Variants in CYP2C18 observed in about 807,000 individuals in gnomAD.
The protein encoded by CYP2C18 is cytochrome P450 2C18.
In CYP2C18, 38 loss-of-function variants were observed where a neutral mutation model predicts 41.3. The ratio of observed to expected loss-of-function variants is 0.92; its 90% CI spans 0.71 to 1.21. The LOEUF is 1.21. Among genes scored for constraint, CYP2C18 ranks in the 50% most tolerant of loss-of-function variants. CYP2C18 has a pLI of 0.00. For missense variants in CYP2C18, 635 were observed against 591.4 expected (o/e 1.07, Z -0.77); for synonymous variants, 236 against 210.0 (o/e 1.12, Z -1.07).
intron 4 of CYP2C18, among the ~76,000 whole-genome samples, 192 bp from the exon 5 acceptor site, chr10:94,706,592 C>A (rs1847347003): frequency 6.6e-6 from 1 of 152,032 alleles, no homozygotes; most frequent in Non-Finnish European, 1.5e-5. Context: ...CATCTTTGAT[C>A]CCTTGTTCAG....
At chr10:94,712,775 A>G (rs966980792) in intron 5 of CYP2C18, among the ~76,000 whole-genome samples, 3 of 152,190 alleles carry the variant, frequency 2.0e-5, no homozygotes, top group East Asian at 1.9e-4. Flanking sequence ...ACTGTTTTCC[A>G]TAATGGTTGC....
chr10:94,726,182 C>CA, intron 7 of CYP2C18, among the ~76,000 whole-genome samples: 1 of 144,914 alleles, frequency 6.9e-6, no homozygotes, highest in South Asian at 2.4e-4. Context: ...TCAACACAGT[C>CA]AAAAAAAATT....
chr10:94,711,391 G>A (rs143037951), intron 5 of CYP2C18, among the ~76,000 whole-genome samples: 23 of 152,086 alleles, frequency 1.5e-4, no homozygotes, highest in African/African-American at 5.3e-4. Context: ...GAGTCTGCAG[G>A]CAATATTGAG....
intron 5 of CYP2C18, among the ~76,000 whole-genome samples, chr10:94,718,808 T>C (rs914920935): frequency 6.6e-6 from 1 of 152,152 alleles, no homozygotes; most frequent in Non-Finnish European, 1.5e-5. Context: ...CTTAGTCCTC[T>C]CTGCTCCCAG....
chr10:94,707,606 A>C lies in CYP2C18; in HGVS notation c.819+646A>C, dbSNP rs569599625. On this transcript the variant is annotated intron_variant, in intron 5 of 8. Coordinates refer to ENST00000285979, the MANE Select transcript of CYP2C18 (RefSeq NM_000772.3). Reference sequence around the variant, plus strand: ...GATGCGTATAATTATTAGAGAAAATAATCCTAGGAATTGTGTAGAAGGATA... The same window carrying C: ...GATGCGTATAATTATTAGAGAAAATCATCCTAGGAATTGTGTAGAAGGATA... 2.0e-5 allele frequency among the ~76,000 whole-genome samples: 3 copies of C among 152,296 alleles called. No homozygotes were observed. The East Asian group carries it at 5.8e-4, about 29-fold the overall frequency.
chr10:94,734,288 G>A (rs1413072244), intron 8 of CYP2C18, among the ~76,000 whole-genome samples: 2 of 152,106 alleles, frequency 1.3e-5, no homozygotes, highest in Non-Finnish European at 2.9e-5. Flanking sequence ...AAAGTGTGTG[G>A]TGAGTCTGTG....
At chr10:94,697,468 C>T (rs530291729) in intron 4 of CYP2C18, among the ~76,000 whole-genome samples, 17 of 152,300 alleles carry the variant, frequency 1.1e-4, no homozygotes, top group African/African-American at 3.8e-4. Flanking sequence ...CCTACAAGAG[C>T]TCCTGAAGGA....
chr10:94,724,017 GATTT>G lies in CYP2C18; in HGVS notation c.962-328_962-325del, dbSNP rs202166859. Among the ~76,000 whole-genome samples, 512 of 151,796 alleles carry G rather than the reference GATTT, an allele frequency of 3.4e-3. 2 individuals are homozygous for G. The highest frequency in any genetic ancestry group is 0.012 in the African/African-American group (496 of 41,408). On this transcript the variant is annotated intron_variant, in intron 6 of 8. Coordinates refer to ENST00000285979, the MANE Select transcript of CYP2C18 (RefSeq NM_000772.3). ...TGTTATTCTGATACAACATTAATTT[GATTT>G]TTTTCTTTCTTCAAGAACAGTAATT...
At chr10:94,728,263 G>T (rs1331572756) in intron 7 of CYP2C18, among the ~76,000 whole-genome samples, 1 of 151,798 alleles carries the variant, frequency 6.6e-6, no homozygotes. Context: ...ATGTGTTTTT[G>T]GCAAGAAAGT....
chr10:94,702,036 T>C (rs1564641346), intron 4 of CYP2C18, among the ~76,000 whole-genome samples: 1 of 152,236 alleles, frequency 6.6e-6, no homozygotes, highest in Non-Finnish European at 1.5e-5. Context: ...GAAAATTCTT[T>C]TCTTTAAAAA....
chr10:94,707,477 C>A (rs1393767216), intron 5 of CYP2C18, among the ~76,000 whole-genome samples: 1 of 152,034 alleles, frequency 6.6e-6, no homozygotes, highest in African/African-American at 2.4e-5. Context: ...AAAAGTAAAT[C>A]CGGACAAATA....
intron 5 of CYP2C18, among the ~76,000 whole-genome samples, chr10:94,709,051 T>C (rs11591641): frequency 0.2 from 30,543 of 152,170 alleles, 3,260 homozygotes; most frequent in Middle Eastern, 0.23. Context: ...AGTTTTTGTG[T>C]ATAGATAAGT....
intron 4 of CYP2C18, among the ~76,000 whole-genome samples, chr10:94,702,888 G>C (rs1336324824): frequency 6.6e-6 from 1 of 152,100 alleles, no homozygotes; most frequent in Non-Finnish European, 1.5e-5. Flanking sequence ...TTTGGTCTTT[G>C]CTGTTGGTGA....
rs531939824 is a variant in CYP2C18, at chr10:94,731,726, C to G, written c.1150-1571C>G. On this transcript the variant is annotated intron_variant, in intron 7 of 8. Transcript: ENST00000285979. ...AAAAACAGGCAATGGGAAAAGACTC[C>G]CTATTCAATAAATGATGCTGGGATG... is the stretch of plus-strand genomic sequence containing the variant. Among the ~76,000 whole-genome samples, 6 of 152,212 alleles carry G rather than the reference C, an allele frequency of 3.9e-5. No individual in the cohort carries two copies. In the South Asian group the frequency reaches 1.2e-3, roughly 32 times the overall value.
At chr10:94,686,019 A>G (rs953120002) in intron 1 of CYP2C18, among the ~76,000 whole-genome samples, 16 of 152,126 alleles carry the variant, frequency 1.1e-4, no homozygotes, top group South Asian at 2.1e-4. Context: ...TTTCCAATCC[A>G]TGAACATGGG....
At chr10:94,727,286 CTTAT>C (rs968974637) in intron 7 of CYP2C18, among the ~76,000 whole-genome samples, 1 of 152,016 alleles carries the variant, frequency 6.6e-6, no homozygotes, top group African/African-American at 2.4e-5. Flanking sequence ...ATTTATTTTC[CTTAT>C]TTATCATACT....
chr10:94,732,470 G>A (rs1228350579), intron 7 of CYP2C18, among the ~76,000 whole-genome samples: 1 of 151,926 alleles, frequency 6.6e-6, no homozygotes, highest in African/African-American at 2.4e-5. Flanking sequence ...CCCATTACTG[G>A]ATATATTTCC....
chr10:94,696,796 G>A (rs971938588), intron 4 of CYP2C18, among the ~76,000 whole-genome samples: 5 of 152,094 alleles, frequency 3.3e-5, no homozygotes, highest in Non-Finnish European at 7.3e-5. Flanking sequence ...GGACCTGATG[G>A]AGCTGAAAAC....
intron 1 of CYP2C18, among the ~76,000 whole-genome samples, chr10:94,685,518 G>A (rs762294998): frequency 2.6e-5 from 4 of 152,068 alleles, no homozygotes; most frequent in Non-Finnish European, 5.9e-5. Flanking sequence ...TCTTTCAGTA[G>A]TTTTTAGTTT....
Sources: gnomAD v4.1 joint callset for allele counts (sites outside exome capture counted in the v4.1 genomes callset) on GRCh38, gnomAD v4.1.1 for gene constraint, MANE v1.5 for transcripts, NCBI Gene and HGNC (gene_info 2026-07-23, HGNC 2026-07-21) for gene names.